The following DLC1 variants were observed in gnomAD, a reference collection of about 807,000 sequenced individuals.
DLC1 encodes the protein DLC1 Rho GTPase activating protein.
A neutral mutation model predicts 140.3 loss-of-function variants in DLC1; 54 were observed. That is an observed-to-expected ratio of 0.38 (90% CI 0.31 to 0.48). The LOEUF (loss-of-function observed/expected upper bound fraction) is 0.48. Ranked by LOEUF, DLC1 falls within the 20% of genes least tolerant of loss-of-function variation. DLC1 has a pLI of 0.96. For missense variants in DLC1, 2,536 were observed against 1,907.0 expected (o/e 1.33, Z -6.14); for synonymous variants, 986 against 728.1 (o/e 1.35, Z -5.70).
At chr8:13,441,326 C>G (rs948030866) in intron 2 of DLC1, among the ~76,000 whole-genome samples, 4 of 152,172 alleles carry the variant, frequency 2.6e-5, no homozygotes, top group Admixed American at 2.0e-4. Flanking sequence ...TCTCACCACT[C>G]CTGTTCAACA....
At chr8:13,091,724 G>A (rs1224441557) in intron 13 of DLC1, among the ~76,000 whole-genome samples, 3 of 152,160 alleles carry the variant, frequency 2.0e-5, no homozygotes, top group Admixed American at 6.5e-5. Flanking sequence ...GGCTGTGTTT[G>A]CATGGTGGGG....
At chr8:13,109,111 A>G (rs508958) in intron 7 of DLC1, among the ~76,000 whole-genome samples, 20,520 of 152,154 alleles carry the variant, frequency 0.13, 4,020 homozygotes, top group African/African-American at 0.43. Context: ...TATCCCATCT[A>G]TCTGCCCCAA....
At chr8:13,229,505 G>A (rs1287686724) in intron 5 of DLC1, among the ~76,000 whole-genome samples, 1 of 152,090 alleles carries the variant, frequency 6.6e-6, no homozygotes, top group Non-Finnish European at 1.5e-5. Context: ...TGATGAAAAT[G>A]TCCTAAAATT....
At chr8:13,347,381 C>T (rs925102668) in intron 4 of DLC1, among the ~76,000 whole-genome samples, 1 of 152,166 alleles carries the variant, frequency 6.6e-6, no homozygotes, top group Non-Finnish European at 1.5e-5. Flanking sequence ...CTAAACATAT[C>T]ATCGCTAGAG....
At chr8:13,202,556 C>T (rs981402956) in intron 5 of DLC1, among the ~76,000 whole-genome samples, 21 of 152,210 alleles carry the variant, frequency 1.4e-4, no homozygotes, top group Middle Eastern at 3.2e-3. Context: ...CTTGGCTTCG[C>T]TGTGGGCTTT....
chr8:13,265,130 G>T (rs557131239), intron 5 of DLC1, among the ~76,000 whole-genome samples: 8 of 152,270 alleles, frequency 5.3e-5, no homozygotes, highest in African/African-American at 1.9e-4. Context: ...TAAACACAGA[G>T]ACATTACTTA....
intron 5 of DLC1, among the ~76,000 whole-genome samples, chr8:13,274,764 CA>C (rs1305095636): frequency 2.1e-4 from 32 of 152,168 alleles, no homozygotes; most frequent in African/African-American, 7.7e-4. Flanking sequence ...CAAATTAAAA[CA>C]TTAAACCACA....
chr8:13,090,054 A>G (rs560097506), intron 15 of DLC1, among the ~76,000 whole-genome samples, 198 bp downstream of exon 15: 2 of 152,360 alleles, frequency 1.3e-5, no homozygotes, highest in Admixed American at 6.5e-5. Context: ...CAAGTGTTAC[A>G]CAGGAAGAAA....
intron 6 of DLC1, among the ~76,000 whole-genome samples, chr8:13,114,820 G>A (rs1190810968): frequency 1.3e-5 from 2 of 152,138 alleles, no homozygotes; most frequent in Non-Finnish European, 2.9e-5. Context: ...ATATCCATTT[G>A]GTTGGCAAAA....
At chr8:13,502,223 CA>C (rs1395659829) in intron 1 of DLC1, among the ~76,000 whole-genome samples, 7 of 152,144 alleles carry the variant, frequency 4.6e-5, no homozygotes, top group South Asian at 2.1e-4. Context: ...GATAGTTCAA[CA>C]AGTTCTGAGA....
chr8:13,323,377 T>C (rs1833204306), intron 4 of DLC1, among the ~76,000 whole-genome samples: 1 of 152,184 alleles, frequency 6.6e-6, no homozygotes, highest in South Asian at 2.1e-4. Context: ...GGTTTTGTGT[T>C]CAAAGACAAT....
chr8:13,188,118 T>C (rs1217676697), intron 5 of DLC1, among the ~76,000 whole-genome samples: 1 of 143,986 alleles, frequency 6.9e-6, no homozygotes, highest in African/African-American at 2.6e-5. Context: ...AGTCTTGCTC[T>C]TGTTGCGCAG....
At chr8:13,466,042 T>C (rs1260183124) in intron 2 of DLC1, among the ~76,000 whole-genome samples, 1 of 152,166 alleles carries the variant, frequency 6.6e-6, no homozygotes, top group African/African-American at 2.4e-5. Flanking sequence ...CCTACTTGAC[T>C]CACCCCACTG....
At chr8:13,564,608 T>C (rs1804363853) in intron 1 of DLC1, among the ~76,000 whole-genome samples, 1 of 152,158 alleles carries the variant, frequency 6.6e-6, no homozygotes, top group Non-Finnish European at 1.5e-5. Flanking sequence ...GGGGGGAGAA[T>C]TGCTTGCCAG....
At chr8:13,531,440 G>A (rs551166034) in intron 1 of DLC1, among the ~76,000 whole-genome samples, 5 of 152,184 alleles carry the variant, frequency 3.3e-5, no homozygotes, top group East Asian at 1.9e-4. Flanking sequence ...ACAAAAATTA[G>A]CTGAGCATGG....
At chr8:13,118,374 A>G (rs1820756549) in intron 5 of DLC1, among the ~76,000 whole-genome samples, 1 of 152,232 alleles carries the variant, frequency 6.6e-6, no homozygotes, top group East Asian at 1.9e-4. Flanking sequence ...CTCCCCAAAC[A>G]GCAGAGATCT....
intron 2 of DLC1, among the ~76,000 whole-genome samples, chr8:13,497,355 C>A (rs1801562729): frequency 6.6e-6 from 1 of 152,090 alleles, no homozygotes; most frequent in African/African-American, 2.4e-5. Flanking sequence ...GATAAATTCC[C>A]AACCTAAAAG....
intron 5 of DLC1, among the ~76,000 whole-genome samples, chr8:13,278,528 AATGTGAT>A (rs1831255379): frequency 6.6e-6 from 1 of 152,216 alleles, no homozygotes; most frequent in Admixed American, 6.5e-5. Flanking sequence ...ATTCCAAAAT[AATGTGAT>A]AAGTTTCAAG....
chr8:13,304,719 A>T, intron 5 of DLC1: 2 of 962,130 alleles, frequency 2.1e-6, no homozygotes, highest in Non-Finnish European at 2.5e-6. Flanking sequence ...CTAATTTTTC[A>T]TATTTTCATT....
Sources: gnomAD v4.1 joint callset for allele counts (sites outside exome capture counted in the v4.1 genomes callset) on GRCh38, gnomAD v4.1.1 for gene constraint, MANE v1.5 for transcripts, NCBI Gene and HGNC (gene_info 2026-07-23, HGNC 2026-07-21) for gene names.